Variants in DNAH11 observed in about 807,000 individuals in gnomAD.
DNAH11 encodes the protein dynein axonemal heavy chain 11.
In DNAH11, 442 loss-of-function variants were observed where a neutral mutation model predicts 526.0. The ratio of observed to expected loss-of-function variants is 0.84; its 90% confidence interval spans 0.78 to 0.91. DNAH11 has a LOEUF of 0.91. Ranked by LOEUF, DNAH11 falls within the 40% of genes least tolerant of loss-of-function variation. The pLI is 0.00. For missense variants in DNAH11, 6,989 were observed against 5,448.7 expected (o/e 1.28, Z -8.90); for synonymous variants, 2,461 against 1,935.9 (o/e 1.27, Z -7.12).
At chr7:21,857,534 GAAAA>G (rs71026827) in intron 68 of DNAH11, among the ~76,000 whole-genome samples, 7 of 147,156 alleles carry the variant, frequency 4.8e-5, no homozygotes, top group Non-Finnish European at 7.5e-5. Context: ...TTTTGAAAAA[GAAAA>G]AAAAAAACAG....
chr7:21,718,153 AATCTTGTGAAAGAAGGTT>A (rs1415533651), intron 43 of DNAH11, among the ~76,000 whole-genome samples: 1 of 142,476 alleles, frequency 7.0e-6, no homozygotes, highest in Admixed American at 7.7e-5. Flanking sequence ...TTCTTTTCAC[AATCTTGTGAAAGAAGGTT>A]AGAACCATGT....
intron 18 of DNAH11, among the ~76,000 whole-genome samples, chr7:21,603,065 C>T (rs144641866): frequency 1.3e-5 from 2 of 152,156 alleles, no homozygotes; most frequent in Admixed American, 6.5e-5. Flanking sequence ...CCTTGCAAAC[C>T]CCTACCCACC....
At chr7:21,772,770 G>C (rs544122172) in intron 55 of DNAH11, among the ~76,000 whole-genome samples, 3 of 152,130 alleles carry the variant, frequency 2.0e-5, no homozygotes, top group Admixed American at 6.5e-5. Flanking sequence ...GGAATTTGTC[G>C]TGATGTTGGA....
intron 31 of DNAH11, among the ~76,000 whole-genome samples, chr7:21,682,296 G>A (rs771118915): frequency 6.6e-6 from 1 of 152,106 alleles, no homozygotes; most frequent in Non-Finnish European, 1.5e-5. Context: ...GGAGGCCAAG[G>A]CAGGCAGATC....
intron 52 of DNAH11, among the ~76,000 whole-genome samples, chr7:21,749,069 G>GCCAACC (rs1786286936): frequency 6.6e-6 from 1 of 152,006 alleles, no homozygotes. Context: ...TAGTGTTCCT[G>GCCAACC]TATGATAGGT....
chr7:21,657,360 T>G (rs1432847397), intron 29 of DNAH11, among the ~76,000 whole-genome samples: 6 of 152,214 alleles, frequency 3.9e-5, no homozygotes, highest in South Asian at 2.1e-4. Flanking sequence ...CACATAATAA[T>G]GGAGGTAGCA....
chr7:21,895,656 C>T (rs1431515817), intron 79 of DNAH11, among the ~76,000 whole-genome samples: 1 of 152,174 alleles, frequency 6.6e-6, no homozygotes, highest in Admixed American at 6.5e-5. Context: ...ATCATTATTC[C>T]ATGAACCTCA....
intron 44 of DNAH11, among the ~76,000 whole-genome samples, chr7:21,721,926 C>G (rs1380351754): frequency 1.3e-5 from 2 of 152,142 alleles, no homozygotes; most frequent in African/African-American, 2.4e-5. Flanking sequence ...TCCTTTTTCA[C>G]TGATCTTTTT....
intron 18 of DNAH11, among the ~76,000 whole-genome samples, chr7:21,603,726 A>G (rs1288195088): frequency 1.3e-5 from 2 of 152,242 alleles, no homozygotes; most frequent in Non-Finnish European, 2.9e-5. Context: ...AAACAGTTAC[A>G]GTAGAAACAA....
intron 62 of DNAH11, among the ~76,000 whole-genome samples, chr7:21,806,653 T>G (rs975638715): frequency 6.6e-6 from 1 of 152,238 alleles, no homozygotes; most frequent in African/African-American, 2.4e-5. Context: ...ATAGGGTGCT[T>G]CTTTGCTTGT....
At chr7:21,770,692 GA>G (rs1365162567) in intron 55 of DNAH11, among the ~76,000 whole-genome samples, 2 of 152,162 alleles carry the variant, frequency 1.3e-5, no homozygotes, top group Non-Finnish European at 2.9e-5. Flanking sequence ...TGACTATTGG[GA>G]AAGCAGTAAA....
Position 21,765,411 on chromosome 7 carries a change from C to A in DNAH11, c.8941-17C>A. On this transcript the variant is annotated splice_polypyrimidine_tract_variant and intron_variant, in intron 54 of 81. Transcript: ENST00000409508. ...TCATCACCCGCCTGTTTCTGCCTTG[C>A]CCCCATGTCTCCACAGATCATTTTG... is the stretch of plus-strand genomic sequence containing the variant. The A allele has an allele frequency of 1.2e-6, 2 of 1,613,316 alleles. No individual in the cohort carries two copies. Among genetic ancestry groups the A allele is most frequent in the Non-Finnish European group, 1.7e-6 (2 of 1,179,520 alleles).
chr7:21,738,615 C>T lies in DNAH11; in HGVS notation c.7646-86C>T. 3 of 1,363,802 alleles carry T rather than the reference C, an allele frequency of 2.2e-6. No individual in the cohort carries two copies. In the Admixed American group the frequency reaches 7.8e-5, roughly 36 times the overall value. 84.5% of individuals were successfully genotyped at this position (1,363,802 alleles called of 1,614,324 possible). ...GAAACCACAGGGTGGATGAAATCGACAGAAGAAGTTAAGAACAAGAGAAAA... is the reference window on the plus strand; with the variant it reads ...GAAACCACAGGGTGGATGAAATCGATAGAAGAAGTTAAGAACAAGAGAAAA... On this transcript the variant is annotated intron_variant, in intron 46 of 81. Transcript: ENST00000409508.
Position 21,765,609 on chromosome 7 carries a change from G to GACACAC in DNAH11, c.9102+20_9102+21insACACAC, listed in dbSNP as rs1562533226. On this transcript the variant is annotated intron_variant, in intron 55 of 81. Transcript: ENST00000409508. Reference sequence around the variant, plus strand: ...ATTGAGGTATGCCGTGTCAGCCTGCGTCACACACACACACACACACACACA... The same window carrying GACACAC: ...ATTGAGGTATGCCGTGTCAGCCTGCGACACACTCACACACACACACACACACACACA... 5.7e-6 allele frequency: 6 copies of GACACAC among 1,046,800 alleles called. No homozygotes were observed. In the African/African-American group the frequency reaches 7.6e-5, roughly 13 times the overall value. 64.8% of individuals were successfully genotyped at this position (1,046,800 alleles called of 1,614,324 possible). A position where few individuals can be genotyped will look rare whatever the true frequency, so the allele number is the denominator to read the frequency against.
intron 74 of DNAH11, among the ~76,000 whole-genome samples, chr7:21,875,120 C>G (rs1419875075): frequency 6.6e-6 from 1 of 152,154 alleles, no homozygotes; most frequent in African/African-American, 2.4e-5. Flanking sequence ...TATATACACA[C>G]AAGATTGTGT....
chr7:21,851,742 T>C, intron 66 of DNAH11: 1 of 457,576 alleles, frequency 2.2e-6, no homozygotes. Flanking sequence ...GCTGTGATTC[T>C]CTGTGTTTGC....
At chr7:21,614,557 A>G (rs1196187946) in intron 20 of DNAH11, among the ~76,000 whole-genome samples, 4 of 152,222 alleles carry the variant, frequency 2.6e-5, no homozygotes, top group South Asian at 2.1e-4. Context: ...AAACTATTCT[A>G]TGTAGATGGG....
Position 21,857,365 on chromosome 7 carries a change from A to C in DNAH11, c.11202+2910A>C, listed in dbSNP as rs543525577. On this transcript the variant is annotated intron_variant, in intron 68 of 81. Coordinates refer to ENST00000409508, the MANE Select transcript of DNAH11 (RefSeq NM_001277115.2). Reference sequence around the variant, plus strand: ...CCATGTTCATCAGTTGGAATGCTCAATATTGTTAAGATGTCAGTTCGCTCC... The same window carrying C: ...CCATGTTCATCAGTTGGAATGCTCACTATTGTTAAGATGTCAGTTCGCTCC... Among the ~76,000 whole-genome samples the C allele has an allele frequency of 1.9e-4, 29 of 152,310 alleles. No homozygotes were observed. The South Asian group carries it at 5.6e-3, about 29-fold the overall frequency.
intron 61 of DNAH11, among the ~76,000 whole-genome samples, chr7:21,800,214 T>A (rs1788910574): frequency 6.6e-6 from 1 of 152,186 alleles, no homozygotes; most frequent in Non-Finnish European, 1.5e-5. Context: ...TTCTCTGGTT[T>A]TTTCTGTGCC....
Sources: allele counts gnomAD v4.1 joint callset (sites outside exome capture counted in the v4.1 genomes callset), GRCh38; gene constraint gnomAD v4.1.1; transcripts MANE v1.5; gene names NCBI Gene and HGNC (gene_info 2026-07-23, HGNC 2026-07-21).